The following OCA2 variants were observed in gnomAD, a reference collection of about 807,000 sequenced individuals.
OCA2 encodes the protein OCA2 melanosomal transmembrane protein.
A neutral mutation model predicts 100.2 loss-of-function variants in OCA2; 77 were observed. The observed-to-expected ratio is 0.77, with a 90% confidence interval of 0.64 to 0.93. The LOEUF is 0.93. Ranked by LOEUF, OCA2 falls within the 40% of genes least tolerant of loss-of-function variation. The pLI, the probability that OCA2 is intolerant of heterozygous loss-of-function variation, is 0.00. For synonymous variants in OCA2, 432 were observed against 439.2 expected (o/e 0.98, Z 0.21); for missense variants, 1,062 against 1,089.1 (o/e 0.98, Z 0.35).
At position 27,988,917 on chromosome 15, in the gene OCA2, G is replaced by A. The variant is rs542905699; in HGVS notation, c.1182+684C>T. Among the ~76,000 whole-genome samples, 13 of 152,300 alleles carry A rather than the reference G, an allele frequency of 8.5e-5. No homozygotes were observed. In the South Asian group the frequency reaches 2.7e-3, roughly 32 times the overall value. On this transcript the variant is annotated intron_variant, in intron 11 of 23. Transcript: ENST00000354638. ...TCCGTTATGTCAGCCAGCCTTGGGA[G>A]GGACGAAATGTTGGCAAGGAAAATG...
chr15:27,805,075 C>T (rs1303581776), intron 23 of OCA2, among the ~76,000 whole-genome samples: 2 of 152,148 alleles, frequency 1.3e-5, no homozygotes, highest in Non-Finnish European at 2.9e-5. Flanking sequence ...GAGGCCCTGC[C>T]CTGGAGCGAG....
chr15:28,036,220 C>G (rs1460331931), intron 2 of OCA2, among the ~76,000 whole-genome samples: 1 of 152,136 alleles, frequency 6.6e-6, no homozygotes, highest in Non-Finnish European at 1.5e-5. Flanking sequence ...GGTTTTTCAC[C>G]TGGGTAAATA....
At chr15:28,007,067 A>C (rs1305830252) in intron 9 of OCA2, among the ~76,000 whole-genome samples, 1 of 152,230 alleles carries the variant, frequency 6.6e-6, no homozygotes, top group African/African-American at 2.4e-5. Flanking sequence ...ATGAAACACG[A>C]TGTTACACAA....
At chr15:27,977,655 G>A (rs946026879) in intron 14 of OCA2, among the ~76,000 whole-genome samples, 4 of 152,250 alleles carry the variant, frequency 2.6e-5, no homozygotes, top group East Asian at 1.9e-4. Flanking sequence ...GTGTTTCCCC[G>A]AAAGTACTGT....
chr15:27,978,111 C>T (rs1358384043), intron 14 of OCA2, among the ~76,000 whole-genome samples: 1 of 152,212 alleles, frequency 6.6e-6, no homozygotes, highest in Non-Finnish European at 1.5e-5. Flanking sequence ...GGATTTTCCA[C>T]ATATCCTTGT....
At chr15:27,817,411 C>A (rs1171614847) in intron 23 of OCA2, among the ~76,000 whole-genome samples, 2 of 152,194 alleles carry the variant, frequency 1.3e-5, no homozygotes, top group Non-Finnish European at 2.9e-5. Flanking sequence ...CTACAAATAA[C>A]AACTTGAACA....
chr15:28,027,836 G>A (rs747940630), intron 4 of OCA2, 35 bp downstream of exon 4: 9 of 1,606,696 alleles, frequency 5.6e-6, no homozygotes, highest in Admixed American at 1.7e-5. Context: ...TGCGGCCACC[G>A]CTGCTGCCAG....
intron 19 of OCA2, among the ~76,000 whole-genome samples, chr15:27,909,727 T>C (rs2038313615): frequency 6.6e-6 from 1 of 152,204 alleles, no homozygotes; most frequent in Non-Finnish European, 1.5e-5. Flanking sequence ...AGATTCCATA[T>C]TTCACACTAT....
the OCA2 span, among the ~76,000 whole-genome samples, chr15:27,736,938 A>C: frequency 6.6e-6 from 1 of 152,256 alleles, no homozygotes; most frequent in Non-Finnish European, 1.5e-5. Context: ...TTCTGTGGAA[A>C]ATACAAGAGT....
chr15:27,944,701 A>G (rs1479392208), intron 18 of OCA2, among the ~76,000 whole-genome samples: 3 of 151,944 alleles, frequency 2.0e-5, no homozygotes, highest in African/African-American at 7.3e-5. Flanking sequence ...CCCTCAACCA[A>G]TTGGCAGCAA....
At chr15:27,762,234 A>T (rs1344721828) in intron 23 of OCA2, among the ~76,000 whole-genome samples, 1 of 151,922 alleles carries the variant, frequency 6.6e-6, no homozygotes, top group Non-Finnish European at 1.5e-5. Flanking sequence ...TCCATACTCC[A>T]TGTCCATGTG....
At position 27,770,825 on chromosome 15, in the gene OCA2, T is replaced by C. The variant is rs1304486480; in HGVS notation, c.2433-15353A>G. On this transcript the variant is annotated intron_variant, in intron 23 of 23. Transcript: ENST00000354638. ...CTTTTCCTTCCTTCCTCCCTTCCATTCTTCCTTCCTCCCTCTTTTCCTTCC... is the reference window on the plus strand; with the variant it reads ...CTTTTCCTTCCTTCCTCCCTTCCATCCTTCCTTCCTCCCTCTTTTCCTTCC... Among the ~76,000 whole-genome samples, 236 of 118,198 alleles carry C rather than the reference T, an allele frequency of 2.0e-3. 1 individual carries two copies. Among genetic ancestry groups the C allele is most frequent in the African/African-American group, 7.8e-3 (213 of 27,462 alleles). The allele number at this position is 118,198 out of a possible 152,430, so 77.5% of individuals were successfully genotyped here. A position where few individuals can be genotyped will look rare whatever the true frequency, so the allele number is the denominator to read the frequency against.
chr15:27,867,540 C>A (rs2036372963), intron 21 of OCA2, among the ~76,000 whole-genome samples: 1 of 152,112 alleles, frequency 6.6e-6, no homozygotes, highest in East Asian at 1.9e-4. Flanking sequence ...AGGCTCAGAG[C>A]AGAGATGGAG....
At chr15:27,819,462 T>A (rs2034423946) in intron 23 of OCA2, among the ~76,000 whole-genome samples, 1 of 152,256 alleles carries the variant, frequency 6.6e-6, no homozygotes, top group Admixed American at 6.5e-5. Flanking sequence ...AAGCTCACTA[T>A]ACTGTGGACG....
the OCA2 span, among the ~76,000 whole-genome samples, chr15:27,742,955 G>A: frequency 1.3e-5 from 2 of 152,218 alleles, no homozygotes; most frequent in African/African-American, 2.4e-5. Flanking sequence ...CACACCTCAG[G>A]AGGCTGAGTA....
intron 14 of OCA2, among the ~76,000 whole-genome samples, chr15:27,974,673 CAGG>C: frequency 6.6e-6 from 1 of 152,278 alleles, no homozygotes; most frequent in South Asian, 2.1e-4. Context: ...GAGGCTGAGG[CAGG>C]AGAATTGCTT....
chr15:27,893,554 A>G (rs1367227414), intron 19 of OCA2, among the ~76,000 whole-genome samples: 4 of 152,166 alleles, frequency 2.6e-5, no homozygotes, highest in African/African-American at 9.7e-5. Context: ...GAATATTAAT[A>G]TTAATACCCT....
intron 16 of OCA2, among the ~76,000 whole-genome samples, chr15:27,955,647 G>T (rs1235586325): frequency 6.6e-6 from 1 of 152,128 alleles, no homozygotes; most frequent in Non-Finnish European, 1.5e-5. Context: ...CGTGGTAAAA[G>T]AAATGTCACT....
intron 19 of OCA2, among the ~76,000 whole-genome samples, chr15:27,898,863 A>G (rs75154148): frequency 0.014 from 2,074 of 152,316 alleles, 49 homozygotes; most frequent in African/African-American, 0.047. Context: ...ACAACAAAAT[A>G]AAAATTCTAC....
Sources: allele counts gnomAD v4.1 joint callset (sites outside exome capture counted in the v4.1 genomes callset), GRCh38; gene constraint gnomAD v4.1.1; transcripts MANE v1.5; gene names NCBI Gene and HGNC (gene_info 2026-07-23, HGNC 2026-07-21).